Variants in DHRS3 observed in about 807,000 individuals in gnomAD.
DHRS3 encodes short-chain dehydrogenase/reductase 3.
DHRS3 carries 14 observed loss-of-function variants against 27.2 expected under a neutral mutation model. The ratio of observed to expected loss-of-function variants is 0.52; its 90% CI spans 0.34 to 0.81. The LOEUF (loss-of-function observed/expected upper bound fraction) is 0.81. Ranked by LOEUF, DHRS3 falls within the 30% of genes least tolerant of loss-of-function variation. The pLI is 0.01. For missense variants in DHRS3, 322 were observed against 406.2 expected (o/e 0.79, Z 1.78); for synonymous variants, 165 against 175.9 (o/e 0.94, Z 0.49).
intron 1 of DHRS3, among the ~76,000 whole-genome samples, chr1:12,599,702 G>A (rs1646822456): frequency 6.6e-6 from 1 of 152,204 alleles, no homozygotes; most frequent in African/African-American, 2.4e-5. Context: ...CTCTGCCTGG[G>A]ATATTTTCCT....
intron 1 of DHRS3, chr1:12,616,510 G>C (rs898082431): frequency 1.0e-6 from 1 of 969,188 alleles, no homozygotes; most frequent in Non-Finnish European, 1.2e-6. Context: ...TGGGGGGGAG[G>C]GGACAGGGTT....
At chr1:12,577,875 C>A (rs768431531) in intron 4 of DHRS3, among the ~76,000 whole-genome samples, 1 of 152,120 alleles carries the variant, frequency 6.6e-6, no homozygotes, top group Non-Finnish European at 1.5e-5. Flanking sequence ...TTGCATATAA[C>A]AAAAGGTATA....
chr1:12,607,847 A>ATGTG (rs753847593), intron 1 of DHRS3, among the ~76,000 whole-genome samples: 3,552 of 151,500 alleles, frequency 0.023, 124 homozygotes, highest in African/African-American at 0.081. Flanking sequence ...ATTTGTGTAT[A>ATGTG]TGTGTGTGTG....
chr1:12,617,248 C>T lies in DHRS3; in HGVS notation c.101G>A (p.Arg34Gln). 6.2e-7 allele frequency: 1 copy of T among 1,613,788 alleles called. No individual in the cohort carries two copies. Among genetic ancestry groups the T allele is most frequent in the Non-Finnish European group, 8.5e-7 (1 of 1,179,990 alleles). The change falls in exon 1 of 6, where the codon CGG becomes CAG. Residue 34 changes from arginine (R) to glutamine (Q), a missense_variant. Transcript: ENST00000616661. ...AVGLVLPAKLRDLSRENVLIT... is the reference protein window; with the variant it reads ...AVGLVLPAKLQDLSRENVLIT... The stretch of plus-strand genomic sequence containing the variant: ...GAGGACGTTCTCCCGCGACAGGTCC[C>T]GCAGCTTGGCGGGCAGCACCAGTCC...
chr1:12,582,672 C>T lies in DHRS3; in HGVS notation c.196-2006G>A, dbSNP rs149511106. Among the ~76,000 whole-genome samples the T allele has an allele frequency of 6.1e-3, 932 of 152,168 alleles. 10 individuals carry two copies. Among genetic ancestry groups the T allele is most frequent in the South Asian group, 0.021 (103 of 4,820 alleles). On this transcript the variant is annotated intron_variant, in intron 1 of 5. Transcript: ENST00000616661. ...TCCTCCACTCCTCTGGACCACCCCC[C>T]GCCTTGCCTTGCAGCCATTGTCATC...
chr1:12,572,719 G>T lies in DHRS3; in HGVS notation c.824+9C>A. The T allele has an allele frequency of 1.3e-6, 2 of 1,584,974 alleles. No individual in the cohort carries two copies. Among genetic ancestry groups the T allele is most frequent in the Non-Finnish European group, 1.7e-6 (2 of 1,165,020 alleles). ...CCCTGACCCAGAGTGTTCTTTCCCA[G>T]CCCCATACCTTTTCAAGATAACGAG... is the stretch of plus-strand genomic sequence containing the variant. On this transcript the variant is annotated intron_variant, in intron 5 of 5. Transcript: ENST00000616661.
At chr1:12,577,550 C>T (rs1432719484) in intron 4 of DHRS3, among the ~76,000 whole-genome samples, 4 of 152,138 alleles carry the variant, frequency 2.6e-5, no homozygotes, top group African/African-American at 4.8e-5. Flanking sequence ...TACGGCCAGG[C>T]GTGGTGGCTC....
intron 1 of DHRS3, among the ~76,000 whole-genome samples, chr1:12,583,621 CCATCCATCCA>C (rs1646666753): frequency 2.1e-3 from 311 of 148,992 alleles, no homozygotes; most frequent in African/African-American, 7.3e-3. Flanking sequence ...ATCCATCCAT[CCATCCATCCA>C]TCCCTCCCTC....
intron 1 of DHRS3, among the ~76,000 whole-genome samples, chr1:12,595,643 G>T (rs911848851): frequency 6.6e-6 from 1 of 151,256 alleles, no homozygotes; most frequent in Admixed American, 6.6e-5. Flanking sequence ...AGGGCTTTGC[G>T]GGGAAAGCGG....
chr1:12,589,111 G>A (rs777083212), intron 1 of DHRS3, among the ~76,000 whole-genome samples: 1 of 152,230 alleles, frequency 6.6e-6, no homozygotes, highest in Non-Finnish European at 1.5e-5. Flanking sequence ...GAATGAGCAG[G>A]CAAGCAACAT....
chr1:12,582,804 C>T (rs937143291), intron 1 of DHRS3, among the ~76,000 whole-genome samples: 1 of 151,822 alleles, frequency 6.6e-6, no homozygotes, highest in Non-Finnish European at 1.5e-5. Flanking sequence ...CTATCCACCA[C>T]ACTTCATCCA....
At chr1:12,614,392 C>A (rs1159898748) in intron 1 of DHRS3, among the ~76,000 whole-genome samples, 1 of 152,058 alleles carries the variant, frequency 6.6e-6, no homozygotes, top group African/African-American at 2.4e-5. Flanking sequence ...AATTAAAAAG[C>A]AAGACCTTTA....
At chr1:12,570,020 G>C (rs1156573018) in intron 5 of DHRS3, 3 of 152,214 alleles carry the variant, frequency 2.0e-5, no homozygotes, top group Admixed American at 6.5e-5. Context: ...GGCTTAATCT[G>C]TCTGTGCTCC....
intron 1 of DHRS3, among the ~76,000 whole-genome samples, chr1:12,612,952 C>T (rs926655081): frequency 2.0e-5 from 3 of 151,858 alleles, no homozygotes; most frequent in East Asian, 1.9e-4. Flanking sequence ...CCCAGCTACT[C>T]GGAAGGCTGA....
In DHRS3 at chr1:12,617,216, C is replaced by G; in HGVS notation, c.133G>C (p.Gly45Arg). 1.2e-6 allele frequency: 2 copies of G among 1,613,496 alleles called. No individual in the cohort carries two copies. The highest frequency in any genetic ancestry group is 1.7e-6 in the Non-Finnish European group (2 of 1,179,930). Residue 45 changes from glycine to arginine, a missense_variant, in exon 1 of 6, where the codon GGC (glycine) becomes CGC (arginine). By Grantham distance (125) the Gly-to-Arg change is moderately radical (BLOSUM62 -2). Transcript: ENST00000616661. ...TGACGCCCGATGCCTCTCCCGCCGC[C>G]GGTGATGAGGACGTTCTCCCGCGAC... ...DLSRENVLIT[G>R]GGRGIGRQLA... is the part of the protein sequence containing the mutation.
In DHRS3 at chr1:12,617,326, G is replaced by T; in HGVS notation, c.23C>A (p.Ala8Glu). 6.2e-7 allele frequency: 1 copy of T among 1,603,680 alleles called. No individual in the cohort carries two copies. Among genetic ancestry groups the T allele is most frequent in the Non-Finnish European group, 8.5e-7 (1 of 1,172,050 alleles). Reference protein sequence around the residue: MVWKRLGALVMFPLQMIY... With the variant: MVWKRLGELVMFPLQMIY... ...CATCTGTAGAGGGAACATCACCAGC[G>T]CGCCCAGCCGTTTCCACACCATCCT... Residue 8 changes from alanine to glutamate, a missense_variant, in exon 1 of 6, where the codon GCG (alanine) becomes GAG (glutamate). Coordinates refer to ENST00000616661, the MANE Select transcript of DHRS3 (RefSeq NM_004753.7).
At chr1:12,579,762 C>T (rs535674648) in intron 2 of DHRS3, 6 of 228,290 alleles carry the variant, frequency 2.6e-5, no homozygotes, top group East Asian at 1.2e-4. Context: ...TGTGAGCCAC[C>T]GCACCCGGTC....
chr1:12,609,031 G>A (rs1287792385), intron 1 of DHRS3, among the ~76,000 whole-genome samples: 1 of 152,166 alleles, frequency 6.6e-6, no homozygotes, highest in African/African-American at 2.4e-5. Flanking sequence ...TGACAAAGTA[G>A]GACTGAAAAG....
intron 1 of DHRS3, among the ~76,000 whole-genome samples, chr1:12,585,475 G>A (rs1253069512): frequency 6.6e-6 from 1 of 152,176 alleles, no homozygotes; most frequent in Non-Finnish European, 1.5e-5. Context: ...GAGTCGCAGG[G>A]AAGCGCGGCT....
Sources: allele counts gnomAD v4.1 joint callset (sites outside exome capture counted in the v4.1 genomes callset), GRCh38; gene constraint gnomAD v4.1.1; transcripts MANE v1.5; gene names NCBI Gene and HGNC (gene_info 2026-07-23, HGNC 2026-07-21).